EYA1: variants seen among roughly 807,000 people sequenced by gnomAD.
EYA1 encodes the protein protein phosphatase EYA1.
Under a neutral mutation model 82.0 loss-of-function variants are expected in EYA1, and 16 were observed. The observed-to-expected ratio is 0.20, with a 90% CI of 0.13 to 0.30. The LOEUF (loss-of-function observed/expected upper bound fraction) is 0.30, where lower values mean the gene tolerates loss of function less well. EYA1 is among the 10% of genes least tolerant of loss of function. EYA1 has a pLI of 1.00. For synonymous variants in EYA1, 261 were observed against 264.4 expected, an observed-to-expected ratio of 0.99 and a Z score of 0.12; for missense variants, 633 against 730.7, an observed-to-expected ratio of 0.87 and a Z score of 1.54.
At chr8:71,490,611 T>C (rs1378868574) in intron 2 of EYA1, among the ~76,000 whole-genome samples, 1 of 152,128 alleles carries the variant, frequency 6.6e-6, no homozygotes, top group Non-Finnish European at 1.5e-5. Flanking sequence ...GAAAAAAATA[T>C]GTATAGATAT....
intron 2 of EYA1, among the ~76,000 whole-genome samples, chr8:71,526,242 G>A (rs1813807991): frequency 6.7e-6 from 1 of 149,884 alleles, no homozygotes; most frequent in Admixed American, 6.7e-5. Context: ...ATATTAATAT[G>A]TATATATGTT....
At position 71,523,324 on chromosome 8, in the gene EYA1, A is replaced by G. The variant is rs546118690; in HGVS notation, c.33+12420T>C. 4.1e-3 allele frequency among the ~76,000 whole-genome samples: 628 copies of G among 151,406 alleles called. 3 individuals carry two copies. Among genetic ancestry groups the G allele is most frequent in the Non-Finnish European group, 3.8e-3 (259 of 67,748 alleles). ...CTCCCGGGTAGCTGGGACTACAGGC[A>G]CCCGCCACCACGCCTGGCTAATTTT... On this transcript the variant is annotated intron_variant, in intron 2 of 18. Coordinates refer to the EYA1 transcript ENST00000643681.
At chr8:71,516,126 T>G (rs1812960746) in intron 2 of EYA1, among the ~76,000 whole-genome samples, 1 of 152,102 alleles carries the variant, frequency 6.6e-6, no homozygotes, top group African/African-American at 2.4e-5. Flanking sequence ...CAAAGACAGT[T>G]TTTTGGTGCC....
intron 11 of EYA1, among the ~76,000 whole-genome samples, chr8:71,267,580 G>A (rs1007365439): frequency 7.2e-5 from 11 of 152,074 alleles, no homozygotes; most frequent in Non-Finnish European, 1.2e-4. Context: ...ATGGAGTCTT[G>A]CTCTGTTGCC....
intron 2 of EYA1, among the ~76,000 whole-genome samples, chr8:71,381,177 G>A (rs143865440): frequency 1.9e-3 from 294 of 152,338 alleles, no homozygotes; most frequent in Non-Finnish European, 3.6e-3. Flanking sequence ...GGGGTCACAC[G>A]TGGCCCTAAA....
At chr8:71,343,740 A>C (rs894987901) in intron 3 of EYA1, among the ~76,000 whole-genome samples, 3 of 152,246 alleles carry the variant, frequency 2.0e-5, no homozygotes, top group Non-Finnish European at 2.9e-5. Context: ...AAACTAGTAC[A>C]GTTGGATATA....
chr8:71,436,729 A>C (rs1277003237), intron 2 of EYA1, among the ~76,000 whole-genome samples: 1 of 152,120 alleles, frequency 6.6e-6, no homozygotes, highest in Non-Finnish European at 1.5e-5. Flanking sequence ...ACTTAAAACA[A>C]AGAGAAATCT....
intron 2 of EYA1, among the ~76,000 whole-genome samples, chr8:71,510,561 C>T (rs534243738): frequency 6.6e-6 from 1 of 152,180 alleles, no homozygotes; most frequent in African/African-American, 2.4e-5. Context: ...GAGTGCCGAG[C>T]GAAGGAGAAA....
intron 12 of EYA1, among the ~76,000 whole-genome samples, chr8:71,229,854 G>T (rs1290230738): frequency 6.6e-6 from 1 of 152,150 alleles, no homozygotes; most frequent in African/African-American, 2.4e-5. Flanking sequence ...ACCAATTCCA[G>T]AAGTTAATTC....
Position 71,425,292 on chromosome 8 carries a change from A to G in EYA1, c.34-68781T>C, listed in dbSNP as rs1805125207. On this transcript the variant is annotated intron_variant, in intron 2 of 18. Transcript: ENST00000643681. ...GACAGAGGGAGACTCCGTCTCAAAG[A>G]AAAAAAAAAGAAAATGCACACTTTA... Among the ~76,000 whole-genome samples, 4 of 26,964 alleles carry G rather than the reference A, an allele frequency of 1.5e-4. No homozygotes were observed. In the South Asian group the frequency reaches 4.3e-3, roughly 29 times the overall value. 17.7% of individuals were successfully genotyped at this position (26,964 alleles called of 152,430 possible).
At chr8:71,259,181 C>G (rs1370313654) in intron 11 of EYA1, among the ~76,000 whole-genome samples, 1 of 152,126 alleles carries the variant, frequency 6.6e-6, no homozygotes, top group Non-Finnish European at 1.5e-5. Context: ...TATGGTCAAC[C>G]AAGCCAGAGC....
In EYA1 at chr8:71,341,714, G is replaced by T. The variant is rs1825142661; in HGVS notation, c.125-7540C>A. Among the ~76,000 whole-genome samples the T allele has an allele frequency of 2.0e-5, 3 of 152,116 alleles. No homozygotes were observed. In the South Asian group the frequency reaches 6.2e-4, roughly 31 times the overall value. On this transcript the variant is annotated intron_variant, in intron 3 of 17. Transcript: ENST00000340726. ...GATCATTATCTCTCCAAAAAGTAAA[G>T]TTAAGGTCATCTTCTTTATCTTAAA...
In EYA1 at chr8:71,432,074, T is replaced by C. The variant is rs1805662694; in HGVS notation, c.34-75563A>G. On this transcript the variant is annotated intron_variant, in intron 2 of 18. Transcript: ENST00000643681. The stretch of plus-strand genomic sequence containing the variant: ...TCCTTAGCTATCACTGGAATGTCTC[T>C]TAGTTGCTTCCTTCTCTGAACTTCT... 3.3e-5 allele frequency among the ~76,000 whole-genome samples: 5 copies of C among 152,232 alleles called. No individual in the cohort carries two copies. The South Asian group carries it at 1.0e-3, about 31-fold the overall frequency.
At chr8:71,415,060 C>T (rs529617301) in intron 2 of EYA1, among the ~76,000 whole-genome samples, 3 of 152,272 alleles carry the variant, frequency 2.0e-5, no homozygotes, top group East Asian at 1.9e-4. Flanking sequence ...CTCAGCATCA[C>T]ATAACAGTAG....
chr8:71,222,227 C>T (rs1324530661), intron 12 of EYA1, among the ~76,000 whole-genome samples: 1 of 152,124 alleles, frequency 6.6e-6, no homozygotes, highest in African/African-American at 2.4e-5. Flanking sequence ...GCTGGTAACT[C>T]GGATACCTTC....
At chr8:71,374,279 T>TG (rs1402409982) in intron 2 of EYA1, among the ~76,000 whole-genome samples, 18 of 152,056 alleles carry the variant, frequency 1.2e-4, no homozygotes, top group African/African-American at 4.3e-4. Flanking sequence ...TTCACATAAC[T>TG]CAATAGGAAA....
intron 2 of EYA1, among the ~76,000 whole-genome samples, chr8:71,505,434 C>T (rs1407301834): frequency 6.6e-6 from 1 of 152,204 alleles, no homozygotes; most frequent in African/African-American, 2.4e-5. Context: ...GCACCACCAA[C>T]AAAAACACTT....
intron 2 of EYA1, among the ~76,000 whole-genome samples, chr8:71,461,318 C>A (rs1051012072): frequency 6.6e-6 from 1 of 152,082 alleles, no homozygotes; most frequent in Non-Finnish European, 1.5e-5. Flanking sequence ...GTGAGCGTGG[C>A]GTCTGAACAT....
chr8:71,322,021 A>G, intron 5 of EYA1, 142 bp from the exon 6 acceptor site: 8 of 1,185,342 alleles, frequency 6.7e-6, no homozygotes, highest in African/African-American at 1.5e-5. Context: ...AAGCACTGAA[A>G]TACTTCAGTG....
Sources: gnomAD v4.1 joint callset for allele counts (sites outside exome capture counted in the v4.1 genomes callset) on GRCh38, gnomAD v4.1.1 for gene constraint, MANE v1.5 for transcripts, NCBI Gene and HGNC (gene_info 2026-07-23, HGNC 2026-07-21) for gene names.